Variants in CST2 observed in about 807,000 individuals in gnomAD.
CST2 encodes cystatin-SA.
CST2 carries 26 observed loss-of-function variants against 13.4 expected under a neutral mutation model. That is an observed-to-expected ratio of 1.95 (90% confidence interval 1.43 to 2.70). CST2 has a LOEUF of 2.70. Among genes scored for constraint, CST2 ranks in the 30% most tolerant of loss-of-function variants. The pLI is 0.00. For missense variants in CST2, 243 were observed against 173.4 expected (o/e 1.40, Z -2.25); for synonymous variants, 105 against 71.1 (o/e 1.48, Z -2.40).
At chr20:23,825,441 T>C in intron 1 of CST2, 118 bp from the exon 2 acceptor site, 4 of 1,032,976 alleles carry the variant, frequency 3.9e-6, no homozygotes, top group Non-Finnish European at 5.9e-6. Context: ...GCTGCCCACA[T>C]GTCAACACAA....
rs1426985246 is a variant in CST2, at chr20:23,826,541, A to T, written c.120T>A (p.Asn40Lys). Residue 40 changes from asparagine to lysine, a missense_variant, in exon 1 of 3, where the codon AAT (asparagine) becomes AAA (lysine). Asn to Lys is a moderately conservative substitution (Grantham distance 94). Coordinates refer to ENST00000304725, the MANE Select transcript of CST2 (RefSeq NM_001322.3). ...IEGGIYDADLNDERVQRALHF... is the reference protein window; with the variant it reads ...IEGGIYDADLKDERVQRALHF... ...GAAGGGCACGCTGTACCCGCTCATC[A>T]TTGAGGTCTGCATCATAGATGCCAC... 2 of 1,614,016 alleles carry T rather than the reference A, an allele frequency of 1.2e-6. No individual in the cohort carries two copies. Among genetic ancestry groups the T allele is most frequent in the Admixed American group, 1.7e-5 (1 of 60,008 alleles).
chr20:23,825,022 C>A (rs565413032), intron 2 of CST2, among the ~76,000 whole-genome samples, 188 bp downstream of exon 2: 1 of 152,214 alleles, frequency 6.6e-6, no homozygotes, highest in East Asian at 1.9e-4. Context: ...ACACATGCAC[C>A]TTTCCACATG....
At chr20:23,824,226 C>A in intron 2 of CST2, 123 bp from the exon 3 acceptor site, 1 of 918,926 alleles carries the variant, frequency 1.1e-6, no homozygotes, top group Non-Finnish European at 1.7e-6. Flanking sequence ...CCTCACCCAC[C>A]CCTGCTGAGT....
At position 23,826,435 on chromosome 20, in the gene CST2, G is replaced by A. The variant is rs758653238; in HGVS notation, c.226C>T (p.Gln76Ter). Reference sequence around the variant, plus strand: ...CCTCAGGTGGAGGCAGCACCCACCTGCTCCCTGGCTCGTAGCACCCGCAGC... The same window carrying A: ...CCTCAGGTGGAGGCAGCACCCACCTACTCCCTGGCTCGTAGCACCCGCAGC... ...RLLRVLRARE[Q>*]IVGGVNYFFD... The change falls in exon 1 of 3, where the codon CAG (glutamine) becomes TAG (stop). Residue 76 changes from glutamine to a stop codon, truncating the protein, a stop_gained and splice_region_variant. Coordinates refer to ENST00000304725, the MANE Select transcript of CST2 (RefSeq NM_001322.3). LOFTEE classifies it high-confidence loss of function. 1 of 1,613,812 alleles carries A rather than the reference G, an allele frequency of 6.2e-7. No individual in the cohort carries two copies. Among genetic ancestry groups the A allele is most frequent in the African/African-American group, 1.3e-5 (1 of 74,928 alleles).
At chr20:23,824,235 G>A in intron 2 of CST2, 132 bp from the exon 3 acceptor site, 2 of 844,824 alleles carry the variant, frequency 2.4e-6, no homozygotes, top group Admixed American at 2.1e-5. Flanking sequence ...CCCCTGCTGA[G>A]TCCCAGAGCA....
rs560128187 is a variant in CST2, at chr20:23,825,209, C to A, written c.342+1G>T. 3.1e-6 allele frequency: 5 copies of A among 1,614,154 alleles called. No homozygotes were observed. The highest frequency in any genetic ancestry group is 1.3e-5 in the African/African-American group (1 of 75,048). ...GCCTGGGACCCGCATCAGGAACGTA[C>A]CTTCTGCAGTTCTGGCTGTTCATGG... is the stretch of plus-strand genomic sequence containing the variant. On this transcript the variant is annotated splice_donor_variant, in intron 2 of 2. Coordinates refer to ENST00000304725, the MANE Select transcript of CST2 (RefSeq NM_001322.3). LOFTEE classifies it high-confidence loss of function.
intron 1 of CST2, 138 bp downstream of exon 1, chr20:23,826,295 C>T (rs2122137578): frequency 1.3e-6 from 1 of 743,124 alleles, no homozygotes; most frequent in Non-Finnish European, 2.2e-6. Flanking sequence ...AGGCCATAAG[C>T]AGAGAGTCAG....
At chr20:23,824,466 G>C (rs1331450447) in intron 2 of CST2, among the ~76,000 whole-genome samples, 13 of 152,150 alleles carry the variant, frequency 8.5e-5, no homozygotes, top group Admixed American at 8.5e-4. Flanking sequence ...AGCACTAAGA[G>C]GGGCCAGAGG....
chr20:23,825,971 C>A (rs1364868503), intron 1 of CST2, among the ~76,000 whole-genome samples: 4 of 152,196 alleles, frequency 2.6e-5, no homozygotes, highest in African/African-American at 9.6e-5. Flanking sequence ...TGGCTGAGGT[C>A]TAACTCTGCA....
chr20:23,826,006 C>T (rs55743747), intron 1 of CST2, among the ~76,000 whole-genome samples: 29,636 of 152,148 alleles, frequency 0.19, 3,141 homozygotes, highest in East Asian at 0.38. Context: ...CAGGGTCAGG[C>T]GTGCTCCACC....
At chr20:23,826,261 C>T (rs1296869655) in intron 1 of CST2, among the ~76,000 whole-genome samples, 172 bp downstream of exon 1, 1 of 152,186 alleles carries the variant, frequency 6.6e-6, no homozygotes, top group Non-Finnish European at 1.5e-5. Context: ...AGTCTCCATC[C>T]CCCGGGAGCA....
At position 23,825,191 on chromosome 20, in the gene CST2, A is replaced by G. The variant is rs187302126; in HGVS notation, c.342+19T>C. On this transcript the variant is annotated intron_variant, in intron 2 of 2. Coordinates refer to ENST00000304725, the MANE Select transcript of CST2 (RefSeq NM_001322.3). ...CTCTGCAGTGCATGACTGGCCTGGG[A>G]CCCGCATCAGGAACGTACCTTCTGC... 1.9e-3 allele frequency: 3,053 copies of G among 1,614,036 alleles called. 8 individuals are homozygous for G. The highest frequency in any genetic ancestry group is 2.5e-3 in the Non-Finnish European group (2,906 of 1,179,940).
rs1568779806 is a variant in CST2 at position 23,824,098 on chromosome 20, C to T, written c.348G>A (p.Gln116=). Residue 116 remains glutamine, a synonymous_variant, in exon 3 of 3, where the codon CAG becomes CAA. Coordinates refer to ENST00000304725, the MANE Select transcript of CST2 (RefSeq NM_001322.3). ...CTTCGTAGATCTGGAAAGAGCACAACTGTTTCTGTGAAAGGGAAGAGAGAG... is the reference window on the plus strand; with the variant it reads ...CTTCGTAGATCTGGAAAGAGCACAATTGTTTCTGTGAAAGGGAAGAGAGAG... ...FHEQPELQKK[Q]LCSFQIYEVP... is the part of the protein sequence containing the mutation. 6.8e-6 allele frequency: 11 copies of T among 1,614,064 alleles called. No homozygotes were observed. In the East Asian group the frequency reaches 2.2e-4, roughly 33 times the overall value.
Position 23,823,976 on chromosome 20 carries a change from G to A in CST2, c.*44C>T. On this transcript the variant is annotated 3_prime_UTR_variant, in exon 3 of 3. Transcript: ENST00000304725. Reference sequence around the variant, plus strand: ...GTCCAGGGGTGGGAGCACTACAAGGGGTGGGAGTAGGAGGTGGTCAGTGTG... The same window carrying A: ...GTCCAGGGGTGGGAGCACTACAAGGAGTGGGAGTAGGAGGTGGTCAGTGTG... 6.2e-7 allele frequency: 1 copy of A among 1,602,924 alleles called. No homozygotes were observed. The highest frequency in any genetic ancestry group is 8.5e-7 in the Non-Finnish European group (1 of 1,170,266).
At chr20:23,825,026 C>A (rs1277834647) in intron 2 of CST2, among the ~76,000 whole-genome samples, 184 bp downstream of exon 2, 1 of 152,072 alleles carries the variant, frequency 6.6e-6, no homozygotes, top group African/African-American at 2.4e-5. Context: ...ATGCACCTTT[C>A]CACATGCACA....
chr20:23,824,947 A>G (rs1984780110), intron 2 of CST2, among the ~76,000 whole-genome samples: 1 of 151,932 alleles, frequency 6.6e-6, no homozygotes, highest in South Asian at 2.1e-4. Flanking sequence ...AAACCCCCAG[A>G]ATCCCCACAC....
intron 1 of CST2, among the ~76,000 whole-genome samples, 164 bp from the exon 2 acceptor site, chr20:23,825,487 G>C (rs1463894104): frequency 6.6e-6 from 1 of 152,374 alleles, no homozygotes; most frequent in East Asian, 1.9e-4. Context: ...AGCTGGCAGG[G>C]TGCTGGGCCT....
chr20:23,824,003 C>G lies in CST2; in HGVS notation c.*17G>C. 1 of 1,613,586 alleles carries G rather than the reference C, an allele frequency of 6.2e-7. No homozygotes were observed. Among genetic ancestry groups the G allele is most frequent in the Non-Finnish European group, 8.5e-7 (1 of 1,179,594 alleles). The stretch of plus-strand genomic sequence containing the variant: ...TGGGAGTAGGAGGTGGTCAGTGTGA[C>G]TCCCTGGCACAGATCCCTAGGCTTC... On this transcript the variant is annotated 3_prime_UTR_variant, in exon 3 of 3. Transcript: ENST00000304725.
At position 23,824,002 on chromosome 20, in the gene CST2, A is replaced by G. The variant is rs778434266; in HGVS notation, c.*18T>C. ...GTGGGAGTAGGAGGTGGTCAGTGTG[A>G]CTCCCTGGCACAGATCCCTAGGCTT... On this transcript the variant is annotated 3_prime_UTR_variant, in exon 3 of 3. Coordinates refer to ENST00000304725, the MANE Select transcript of CST2 (RefSeq NM_001322.3). 291 of 1,613,192 alleles carry G rather than the reference A, an allele frequency of 1.8e-4. No individual in the cohort carries two copies. Among genetic ancestry groups the G allele is most frequent in the Middle Eastern group, 6.6e-4 (4 of 6,056 alleles).
Sources: gnomAD v4.1 joint callset for allele counts (sites outside exome capture counted in the v4.1 genomes callset) on GRCh38, gnomAD v4.1.1 for gene constraint, MANE v1.5 for transcripts, NCBI Gene and HGNC (gene_info 2026-07-23, HGNC 2026-07-21) for gene names.